RPS4X: variants seen among roughly 807,000 people sequenced by gnomAD.
RPS4X encodes the protein ribosomal protein S4 X-linked, also known as small ribosomal subunit protein eS4, X isoform.
For synonymous variants in RPS4X, 76 were observed against 76.8 expected (o/e 0.99, Z 0.06); for missense variants, 90 against 219.1 (o/e 0.41, Z 3.72).
chrX:72,273,890 C>T lies in RPS4X; in HGVS notation c.443G>A (p.Arg148His), dbSNP rs2043191047. Reference protein sequence around the residue: ...HLVTHDARTIRYPDPLIKVND... With the variant: ...HLVTHDARTIHYPDPLIKVND... ...CACCTTGATGAGGGGATCGGGGTAG[C>T]GGATGGTGCGGGCATCATGAGTCAC... Residue 148 changes from arginine (R) to histidine (H), a missense_variant, in exon 5 of 7, where the codon CGC (arginine) becomes CAC (histidine). Coordinates refer to ENST00000316084, the MANE Select transcript of RPS4X (RefSeq NM_001007.5). 2 of 1,203,964 alleles carry T rather than the reference C, an allele frequency of 1.7e-6. No homozygotes were observed. The highest frequency in any genetic ancestry group is 3.0e-5 in the East Asian group (1 of 33,719).
At chrX:72,274,892 T>C (rs2043195679) in intron 4 of RPS4X, 161 bp downstream of exon 4, 19 of 424,951 alleles carry the variant, frequency 4.5e-5, no homozygotes, top group Non-Finnish European at 2.1e-5. Flanking sequence ...AAAAGTTACA[T>C]GTAAGACAGA....
chrX:72,272,643 G>T lies in RPS4X; in HGVS notation c.*28C>A. On this transcript the variant is annotated 3_prime_UTR_variant, in exon 7 of 7. Transcript: ENST00000316084. ...CACAATATTTTTAATTACGTACAAAGATCTGACATGTCACCCAGGGACCCA... is the reference window on the plus strand; with the variant it reads ...CACAATATTTTTAATTACGTACAAATATCTGACATGTCACCCAGGGACCCA... 1 of 1,013,970 alleles carries T rather than the reference G, an allele frequency of 9.9e-7. No homozygotes were observed. Among genetic ancestry groups the T allele is most frequent in the Non-Finnish European group, 1.4e-6 (1 of 723,276 alleles). 83.6% of individuals were successfully genotyped at this position (1,013,970 alleles called of 1,213,427 possible).
At position 72,276,233 on chromosome X, in the gene RPS4X, G is replaced by A. The variant is rs2043202892; in HGVS notation, c.5C>T (p.Ala2Val). 8.3e-7 allele frequency: 1 copy of A among 1,204,309 alleles called. No individual in the cohort carries two copies. Among genetic ancestry groups the A allele is most frequent in the Non-Finnish European group, 1.1e-6 (1 of 890,715 alleles). Residue 2 changes from alanine (A) to valine (V), a missense_variant and splice_region_variant, in exon 2 of 7, where the codon GCT becomes GTT. By Grantham distance (64) the Ala-to-Val change is moderately conservative. Transcript: ENST00000316084. M[A>V]RGPKKHLKRV... is the part of the protein sequence containing the mutation. ...CTTCAGATGCTTCTTGGGACCACGA[G>A]CCTGAAAGTTTTAGATTGCAATGCT...
chrX:72,273,454 T>C (rs777244908), intron 5 of RPS4X, 65 bp from the exon 6 acceptor site: 33 of 1,003,857 alleles, frequency 3.3e-5, no homozygotes, highest in Non-Finnish European at 4.2e-5. Flanking sequence ...CAGAGATGGG[T>C]CCAAACAAAT....
intron 5 of RPS4X, 108 bp downstream of exon 5, chrX:72,273,693 C>A: frequency 1.5e-6 from 1 of 646,783 alleles, no homozygotes. Context: ...TATAAACACA[C>A]CTGGGCGATT....
In RPS4X at chrX:72,275,041, T is replaced by A; in HGVS notation, c.360+12A>T. On this transcript the variant is annotated intron_variant, in intron 4 of 6. Transcript: ENST00000316084. ...ATACTGAGTAAAGACCCAGCTTGCT[T>A]GCCACACTCACCTTGGCCTCCTCAG... 1 of 1,165,732 alleles carries A rather than the reference T, an allele frequency of 8.6e-7. No homozygotes were observed. Among genetic ancestry groups the A allele is most frequent in the South Asian group, 1.8e-5 (1 of 55,641 alleles).
At chrX:72,277,162 G>A (rs2043208678) in intron 1 of RPS4X, 31 bp downstream of exon 1, 1 of 1,209,368 alleles carries the variant, frequency 8.3e-7, no homozygotes, top group Non-Finnish European at 1.1e-6. Context: ...AGGCGGATAC[G>A]TCCTAAGAGC....
chrX:72,274,632 T>C, intron 4 of RPS4X: 1 of 249,683 alleles, frequency 4.0e-6, no homozygotes, highest in Non-Finnish European at 7.7e-6. Flanking sequence ...CACCTTCCCC[T>C]CCCCAAAGTA....
At chrX:72,274,755 T>A (rs2043195219) in intron 4 of RPS4X, 1 of 253,253 alleles carries the variant, frequency 3.9e-6, no homozygotes, top group Non-Finnish European at 7.2e-6. Context: ...GAAGTCGCGG[T>A]TCAACTGGAA....
chrX:72,277,175 G>A lies in RPS4X; in HGVS notation c.3+18C>T. The A allele has an allele frequency of 4.1e-6, 5 of 1,210,475 alleles. No homozygotes were observed. The highest frequency in any genetic ancestry group is 5.6e-6 in the Non-Finnish European group (5 of 894,455). On this transcript the variant is annotated intron_variant, in intron 1 of 6. Coordinates refer to ENST00000316084, the MANE Select transcript of RPS4X (RefSeq NM_001007.5). The stretch of plus-strand genomic sequence containing the variant: ...GGAGGCGGATACGTCCTAAGAGCTC[G>A]CTAACTAAACGGCTTACCATGGCTG...
Position 72,277,241 on chromosome X carries a change from T to C in RPS4X, c.-46A>G, listed in dbSNP as rs772564327. 3.3e-6 allele frequency: 4 copies of C among 1,199,696 alleles called. No individual in the cohort carries two copies. Among genetic ancestry groups the C allele is most frequent in the South Asian group, 1.8e-5 (1 of 55,664 alleles). On this transcript the variant is annotated 5_prime_UTR_variant, in exon 1 of 7. Transcript: ENST00000316084. The stretch of plus-strand genomic sequence containing the variant: ...GAGGACCTCCGTCTTCCGGTGCGCG[T>C]AGAAATTGGGGCTGGAGACTGCGCG...
In RPS4X at chrX:72,275,517, G is replaced by A. The variant is rs537349628; in HGVS notation, c.262+27C>T. 6.6e-5 allele frequency: 71 copies of A among 1,083,748 alleles called. No homozygotes were observed. In the South Asian group the frequency reaches 1.1e-3, roughly 17 times the overall value. 89.3% of individuals were successfully genotyped at this position (1,083,748 alleles called of 1,213,427 possible). On this transcript the variant is annotated intron_variant, in intron 3 of 6. Transcript: ENST00000316084. Reference sequence around the variant, plus strand: ...TACCATAGGGCTGCCATCAATATGCGTCTCCAGAGTATTTAAAACTTCTTA... The same window carrying A: ...TACCATAGGGCTGCCATCAATATGCATCTCCAGAGTATTTAAAACTTCTTA...
In RPS4X at chrX:72,275,671, G is replaced by A; in HGVS notation, c.135C>T (p.Ile45=). 1.7e-6 allele frequency: 2 copies of A among 1,207,843 alleles called. No homozygotes were observed. The highest frequency in any genetic ancestry group is 3.0e-5 in the East Asian group (1 of 33,810). The change falls in exon 3 of 7, where the codon ATC becomes ATT. Residue 45 remains isoleucine, a synonymous_variant. Transcript: ENST00000316084. ...PHKLRECLPL[I]IFLRNRLKYA... ...ACTTAAGTCTGTTCCTCAGGAAAAT[G>A]ATGAGGGGGAGACACTCTCTCAACT...
Position 72,273,530 on chromosome X carries a change from G to A in RPS4X, c.533-141C>T, listed in dbSNP as rs760968263. On this transcript the variant is annotated intron_variant, in intron 5 of 6. Transcript: ENST00000316084. ...AACTGCTGCCTATGCTAGGACTCCC[G>A]GGACTCTCGTAAGAAATTTTGTGGC... The A allele has an allele frequency of 2.2e-5, 15 of 671,237 alleles. No homozygotes were observed. The African/African-American group carries it at 2.2e-4, about 10-fold the overall frequency. 55.3% of individuals were successfully genotyped at this position (671,237 alleles called of 1,213,427 possible).
Position 72,276,819 on chromosome X carries a change from C to A in RPS4X, c.3+374G>T, listed in dbSNP as rs752113246. 6.2e-4 allele frequency among the ~76,000 whole-genome samples: 70 copies of A among 112,685 alleles called. 1 individual carries two copies. Among genetic ancestry groups the A allele is most frequent in the African/African-American group, 2.1e-3 (66 of 31,093 alleles). Reference sequence around the variant, plus strand: ...CCACGTATGGTAAAGTCAGGCCGTGCCAAAAAGGCAATGACAAAGAAAACC... The same window carrying A: ...CCACGTATGGTAAAGTCAGGCCGTGACAAAAAGGCAATGACAAAGAAAACC... On this transcript the variant is annotated intron_variant, in intron 1 of 6. Transcript: ENST00000316084.
Position 72,275,571 on chromosome X carries a change from C to T in RPS4X, c.235G>A (p.Asp79Asn). 1 of 1,210,205 alleles carries T rather than the reference C, an allele frequency of 8.3e-7. No individual in the cohort carries two copies. The highest frequency in any genetic ancestry group is 1.1e-6 in the Non-Finnish European group (1 of 894,594). The change falls in exon 3 of 7, where the codon GAT (aspartate) becomes AAT (asparagine). Residue 79 changes from aspartate to asparagine, a missense_variant. Physicochemically the swap from Asp to Asn is conservative, Grantham distance 23. Coordinates refer to ENST00000316084, the MANE Select transcript of RPS4X (RefSeq NM_001007.5). ...ATGAATCCAGCAGGGTAGGTTATAT[C>T]AGTTCGGACCTTGCCATCGATTTTA... ...FIKIDGKVRTDITYPAGFMDV... is the reference protein window; with the variant it reads ...FIKIDGKVRTNITYPAGFMDV...
intron 4 of RPS4X, 124 bp from the exon 5 acceptor site, chrX:72,274,096 T>G: frequency 3.3e-6 from 2 of 605,830 alleles, no homozygotes; most frequent in South Asian, 5.3e-5. Context: ...CTTTCCACCC[T>G]CAAGTGTATG....
rs777015790 is a variant in RPS4X, at chrX:72,276,139, T to C, written c.81+18A>G. The C allele has an allele frequency of 2.5e-6, 3 of 1,183,952 alleles. No individual in the cohort carries two copies. The highest frequency in any genetic ancestry group is 3.6e-5 in the South Asian group (2 of 56,066). ...CTTAAAAACAGTGGCCACGGAAATATTTATATAAGATACTTACAAACACAC... is the reference window on the plus strand; with the variant it reads ...CTTAAAAACAGTGGCCACGGAAATACTTATATAAGATACTTACAAACACAC... On this transcript the variant is annotated intron_variant, in intron 2 of 6. Transcript: ENST00000316084.
chrX:72,277,160 A>G, intron 1 of RPS4X, 33 bp downstream of exon 1: 1 of 1,208,693 alleles, frequency 8.3e-7, no homozygotes, highest in Non-Finnish European at 1.1e-6. Flanking sequence ...GGAGGCGGAT[A>G]CGTCCTAAGA....
Sources: gnomAD v4.1 joint callset for allele counts (sites outside exome capture counted in the v4.1 genomes callset) on GRCh38, gnomAD v4.1.1 for gene constraint, MANE v1.5 for transcripts, NCBI Gene and HGNC (gene_info 2026-07-23, HGNC 2026-07-21) for gene names.